FERMT2: variants seen among roughly 807,000 people sequenced by gnomAD.
The protein encoded by FERMT2 is fermitin family homolog 2.
FERMT2 carries 15 observed loss-of-function variants against 82.7 expected under a neutral mutation model. The observed-to-expected ratio is 0.18, with a 90% confidence interval of 0.12 to 0.28. The LOEUF (loss-of-function observed/expected upper bound fraction) is 0.28, where lower values mean the gene tolerates loss of function less well. FERMT2 is among the 10% of genes least tolerant of loss of function. The probability of loss-of-function intolerance (pLI) is 1.00; values close to 1 mark genes in which losing one functional copy is unlikely to be tolerated. For synonymous variants in FERMT2, 274 were observed against 271.5 expected (o/e 1.01, Z -0.09); for missense variants, 645 against 809.4 (o/e 0.80, Z 2.46).
intron 4 of FERMT2, among the ~76,000 whole-genome samples, chr14:52,885,857 T>A (rs1424370191): frequency 6.6e-6 from 1 of 152,034 alleles, no homozygotes; most frequent in Non-Finnish European, 1.5e-5. Context: ...ATTATTTTTA[T>A]ATTTTTGGAG....
At chr14:52,908,130 A>T (rs1350990873) in intron 3 of FERMT2, among the ~76,000 whole-genome samples, 5 of 152,242 alleles carry the variant, frequency 3.3e-5, no homozygotes, top group Non-Finnish European at 7.3e-5. Flanking sequence ...AATGCGAATT[A>T]AAGCCACAAG....
chr14:52,945,337 G>A (rs1231941888), intron 2 of FERMT2, among the ~76,000 whole-genome samples: 3 of 151,542 alleles, frequency 2.0e-5, no homozygotes, highest in East Asian at 1.9e-4. Flanking sequence ...TGCAACATCC[G>A]CCTCCCAGGT....
chr14:52,900,817 T>C (rs1232465681), intron 3 of FERMT2, among the ~76,000 whole-genome samples: 1 of 152,124 alleles, frequency 6.6e-6, no homozygotes, highest in Non-Finnish European at 1.5e-5. Context: ...ACACACCCTT[T>C]AGGATCCTTT....
Position 52,899,407 on chromosome 14 carries a change from G to A in FERMT2, c.392-5980C>T, listed in dbSNP as rs978342823. On this transcript the variant is annotated intron_variant, in intron 3 of 14. Transcript: ENST00000341590. ...AAGCGATTCCCCTGCCTCAGCCTCC[G>A]GAGTAGCTGGGATTGCGGGCGCCCG... 6.6e-5 allele frequency among the ~76,000 whole-genome samples: 10 copies of A among 152,200 alleles called. 1 individual carries two copies. The South Asian group carries it at 1.7e-3, about 25-fold the overall frequency.
At chr14:52,874,078 G>T in intron 9 of FERMT2, 99 bp downstream of exon 9, 1 of 636,062 alleles carries the variant, frequency 1.6e-6, no homozygotes, top group Non-Finnish European at 2.6e-6. Flanking sequence ...TACAGTAGAT[G>T]CGTTTGTTAG....
intron 3 of FERMT2, among the ~76,000 whole-genome samples, chr14:52,906,221 C>T (rs1199406967): frequency 6.6e-6 from 1 of 152,092 alleles, no homozygotes; most frequent in Non-Finnish European, 1.5e-5. Flanking sequence ...ACAGAGAGTG[C>T]TCTGGAGGTC....
At chr14:52,900,793 C>T (rs1566739088) in intron 3 of FERMT2, among the ~76,000 whole-genome samples, 1 of 152,088 alleles carries the variant, frequency 6.6e-6, no homozygotes, top group Non-Finnish European at 1.5e-5. Flanking sequence ...ACTCAGGTAA[C>T]CTACTCCACA....
chr14:52,913,017 T>G (rs1888410685), intron 3 of FERMT2, among the ~76,000 whole-genome samples: 1 of 152,222 alleles, frequency 6.6e-6, no homozygotes. Context: ...AAAAGTGATT[T>G]TGATCCTTGA....
intron 4 of FERMT2, among the ~76,000 whole-genome samples, chr14:52,883,683 G>A (rs973316301): frequency 1.3e-5 from 2 of 152,082 alleles, no homozygotes; most frequent in African/African-American, 4.8e-5. Flanking sequence ...TGCCCAAATC[G>A]CATGTCTAAT....
At chr14:52,932,705 C>G (rs1889645891) in intron 2 of FERMT2, among the ~76,000 whole-genome samples, 1 of 152,196 alleles carries the variant, frequency 6.6e-6, no homozygotes, top group Non-Finnish European at 1.5e-5. Context: ...AGTCATTCCT[C>G]TCTTCCTTAA....
At chr14:52,859,834 T>C (rs74952706) in intron 13 of FERMT2, 120 bp from the exon 14 acceptor site, 2 of 556,792 alleles carry the variant, frequency 3.6e-6, no homozygotes. Context: ...TTTTTTTTTT[T>C]TGAGACGGAG....
At chr14:52,901,928 A>G (rs1184471286) in intron 3 of FERMT2, among the ~76,000 whole-genome samples, 3 of 152,246 alleles carry the variant, frequency 2.0e-5, no homozygotes, top group African/African-American at 7.2e-5. Context: ...TTATGGCAGC[A>G]ATGCAACACC....
chr14:52,941,385 T>C (rs927515805), intron 2 of FERMT2, among the ~76,000 whole-genome samples: 1 of 152,100 alleles, frequency 6.6e-6, no homozygotes, highest in African/African-American at 2.4e-5. Context: ...CAGAATATTA[T>C]ACTAAGAAGG....
At chr14:52,876,133 G>A (rs1885946744) in intron 7 of FERMT2, among the ~76,000 whole-genome samples, 1 of 152,128 alleles carries the variant, frequency 6.6e-6, no homozygotes, top group South Asian at 2.1e-4. Context: ...AGCAACAAGT[G>A]GCACTCCAAA....
intron 13 of FERMT2, chr14:52,860,034 G>A (rs1190919482): frequency 3.5e-6 from 1 of 285,280 alleles, no homozygotes; most frequent in Non-Finnish European, 6.5e-6. Context: ...AGCCAGGATG[G>A]TCTCTATCTC....
At chr14:52,929,030 T>C (rs1420054699) in intron 2 of FERMT2, among the ~76,000 whole-genome samples, 3 of 152,144 alleles carry the variant, frequency 2.0e-5, no homozygotes, top group Non-Finnish European at 4.4e-5. Flanking sequence ...CAGCCCAACC[T>C]TCTACTCAGA....
At position 52,866,353 on chromosome 14, in the gene FERMT2, G is replaced by C. The variant is rs1249338659; in HGVS notation, c.1274-1500C>G. Among the ~76,000 whole-genome samples the C allele has an allele frequency of 5.9e-5, 9 of 152,050 alleles. No homozygotes were observed. In the East Asian group the frequency reaches 1.7e-3, roughly 29 times the overall value. ...TCACAATCTCTAATCCTAACTCTTT[G>C]AGGAACCCTATGCTGCAACCCCTCC... On this transcript the variant is annotated intron_variant, in intron 10 of 14. Transcript: ENST00000341590.
At chr14:52,881,200 A>G (rs1886274908) in intron 5 of FERMT2, 44 bp downstream of exon 5, 2 of 1,595,682 alleles carry the variant, frequency 1.3e-6, no homozygotes, top group Non-Finnish European at 1.7e-6. Context: ...TTCTACCTCT[A>G]GCTGGATGAA....
chr14:52,892,850 A>G (rs1458481937), intron 4 of FERMT2, among the ~76,000 whole-genome samples: 1 of 152,212 alleles, frequency 6.6e-6, no homozygotes, highest in Non-Finnish European at 1.5e-5. Context: ...CCTGAGTCCA[A>G]TTATGATACT....
Sources: gnomAD v4.1 joint callset for allele counts (sites outside exome capture counted in the v4.1 genomes callset) on GRCh38, gnomAD v4.1.1 for gene constraint, MANE v1.5 for transcripts, NCBI Gene and HGNC (gene_info 2026-07-23, HGNC 2026-07-21) for gene names.